ABCC10: variants seen among roughly 807,000 people sequenced by gnomAD.
ABCC10 encodes the protein ATP-binding cassette sub-family C member 10.
In ABCC10, 110 loss-of-function variants were observed where a neutral mutation model predicts 143.2. The ratio of observed to expected loss-of-function variants is 0.77; its 90% CI spans 0.66 to 0.90. The LOEUF is 0.90. ABCC10 is among the 40% of genes least tolerant of loss of function. ABCC10 has a pLI of 0.00. For synonymous variants in ABCC10, 805 were observed against 846.7 expected, an observed-to-expected ratio of 0.95 and a Z score of 0.85; for missense variants, 1,700 against 1,900.5, an observed-to-expected ratio of 0.89 and a Z score of 1.96.
Position 43,447,423 on chromosome 6 carries a change from C to A in ABCC10, c.3705+15C>A. 1.2e-6 allele frequency: 2 copies of A among 1,610,108 alleles called. No homozygotes were observed. ...AGCCACTGCAGGTGGGCCTGTACCC[C>A]CACCCCAGGCCAAAGCTCTGGAACC... On this transcript the variant is annotated intron_variant, in intron 17 of 21. Coordinates refer to ENST00000372530, the MANE Select transcript of ABCC10 (RefSeq NM_001198934.2).
rs150124239 is a variant in ABCC10 at position 43,433,112 on chromosome 6, G to A, written c.1132G>A (p.Gly378Arg). The change falls in exon 3 of 22, where the codon GGG becomes AGG. Residue 378 changes from glycine (G) to arginine (R), a missense_variant. Transcript: ENST00000372530. ...GCTGGGGCCCAGCCGCCCTCCTACT[G>A]GGGAGGCCCTGAACCTACTAGGCAC... The part of the protein sequence containing the change: ...LQLGPSRPPT[G>R]EALNLLGTDS... 3.1e-4 allele frequency: 507 copies of A among 1,614,122 alleles called. No homozygotes were observed. Among genetic ancestry groups the A allele is most frequent in the Admixed American group, 6.5e-4 (39 of 60,032 alleles).
At chr6:43,442,012 C>T in intron 9 of ABCC10, 52 bp downstream of exon 9, 1 of 1,526,170 alleles carries the variant, frequency 6.6e-7, no homozygotes, top group Non-Finnish European at 9.1e-7. Context: ...GAGTCCAGAG[C>T]CTTGGGAACT....
At chr6:43,438,125 A>G (rs1432516358) in intron 7 of ABCC10, 112 bp downstream of exon 7, 5 of 1,215,528 alleles carry the variant, frequency 4.1e-6, no homozygotes, top group Non-Finnish European at 3.5e-6. Flanking sequence ...AGAGCAACGC[A>G]TGGTCCCTTT....
rs537861823 is a variant in ABCC10 at position 43,447,147 on chromosome 6, C to G, written c.3545-101C>G. ...AGGCGTGAGCCACCGCGCCCAGCCTCTGTTGCTTCCTTTAAATGCCAGCAG... is the reference window on the plus strand; with the variant it reads ...AGGCGTGAGCCACCGCGCCCAGCCTGTGTTGCTTCCTTTAAATGCCAGCAG... On this transcript the variant is annotated intron_variant, in intron 16 of 21. Coordinates refer to ENST00000372530, the MANE Select transcript of ABCC10 (RefSeq NM_001198934.2). 4.2e-6 allele frequency: 6 copies of G among 1,439,242 alleles called. No individual in the cohort carries two copies. In the African/African-American group the frequency reaches 8.5e-5, roughly 20 times the overall value. 89.2% of individuals were successfully genotyped at this position (1,439,242 alleles called of 1,614,324 possible).
chr6:43,427,561 A>G lies in ABCC10; in HGVS notation c.-208A>G. 6.8e-6 allele frequency: 2 copies of G among 292,620 alleles called. No individual in the cohort carries two copies. The highest frequency in any genetic ancestry group is 3.0e-5 in the South Asian group (1 of 33,388). The allele number at this position is 292,620 out of a possible 1,614,324, so 18.1% of individuals were successfully genotyped here. A position where few individuals can be genotyped will look rare whatever the true frequency, so the allele number is the denominator to read the frequency against. ...CTACCAGCATATGGGCGTGGCGAAT[A>G]GCGCCGGCTAGGTCTTCCAACCTCT... is the stretch of plus-strand genomic sequence containing the variant. On this transcript the variant is annotated 5_prime_UTR_variant, in exon 1 of 22. The change creates a new upstream start codon in the 5' untranslated region. Coordinates refer to ENST00000372530, the MANE Select transcript of ABCC10 (RefSeq NM_001198934.2).
intron 16 of ABCC10, chr6:43,446,797 C>T (rs946994047): frequency 8.5e-6 from 10 of 1,176,848 alleles, no homozygotes; most frequent in Non-Finnish European, 9.5e-6. Context: ...CATCTGGCCT[C>T]CTGTGCTCCT....
Position 43,443,165 on chromosome 6 carries a change from G to A in ABCC10, c.2416+6G>A. Reference sequence around the variant, plus strand: ...CGGGCGCCTCATCCGGGCTGGTAATGGGGGCAGGAGCCCCGTGTGAGGGAG... The same window carrying A: ...CGGGCGCCTCATCCGGGCTGGTAATAGGGGCAGGAGCCCCGTGTGAGGGAG... On this transcript the variant is annotated splice_donor_region_variant and intron_variant, in intron 10 of 21. Transcript: ENST00000372530. The surrounding 1 kb of genome is among the most constrained non-coding windows in gnomAD (Gnocchi z 4.2). 6.3e-7 allele frequency: 1 copy of A among 1,587,258 alleles called. No homozygotes were observed. The highest frequency in any genetic ancestry group is 8.5e-7 in the Non-Finnish European group (1 of 1,172,560).
intron 7 of ABCC10, 180 bp from the exon 8 acceptor site, chr6:43,438,444 G>T (rs533848501): frequency 7.0e-7 from 1 of 1,429,676 alleles, no homozygotes; most frequent in South Asian, 1.5e-5. Context: ...TCCCTTCTTC[G>T]CCCAGAATGG....
chr6:43,431,977 C>T (rs1338716908), intron 2 of ABCC10, 165 bp from the exon 3 acceptor site: 2 of 1,431,670 alleles, frequency 1.4e-6, no homozygotes, highest in African/African-American at 2.9e-5. Context: ...GGAAGACTTC[C>T]TGGGAGAAAA....
At chr6:43,435,205 A>AC (rs890113423) in intron 4 of ABCC10, 2 of 213,436 alleles carry the variant, frequency 9.4e-6, no homozygotes, top group African/African-American at 4.6e-5. Context: ...TCTAAAAAAA[A>AC]GACTCAAAAT....
At chr6:43,449,301 T>G in intron 20 of ABCC10, 97 bp downstream of exon 20, 1 of 1,510,164 alleles carries the variant, frequency 6.6e-7, no homozygotes, top group Non-Finnish European at 9.0e-7. Context: ...GGGGACCAAG[T>G]TCATTTTCCT....
Position 43,437,996 on chromosome 6 carries a change from C to T in ABCC10, c.1938C>T (p.Ile646=), listed in dbSNP as rs144560804. ...GGAAGAGCTCCCTGCTGGCTGCCATCGCTGGAGAGCTCCACAGGTAACCAA... is the reference window on the plus strand; with the variant it reads ...GGAAGAGCTCCCTGCTGGCTGCCATTGCTGGAGAGCTCCACAGGTAACCAA... ...GCGKSSLLAA[I]AGELHRLRGH... is the part of the protein sequence containing the mutation. Residue 646 remains isoleucine (I), a synonymous_variant, in exon 7 of 22, where the codon ATC becomes ATT. Coordinates refer to ENST00000372530, the MANE Select transcript of ABCC10 (RefSeq NM_001198934.2). 5.0e-6 allele frequency: 8 copies of T among 1,612,528 alleles called. No individual in the cohort carries two copies. Among genetic ancestry groups the T allele is most frequent in the Admixed American group, 3.3e-5 (2 of 59,848 alleles).
At position 43,438,517 on chromosome 6, in the gene ABCC10, C is replaced by G. The variant is rs553982259; in HGVS notation, c.1956-107C>G. The G allele has an allele frequency of 1.6e-5, 24 of 1,489,084 alleles. No homozygotes were observed. The East Asian group carries it at 5.3e-4, about 33-fold the overall frequency. The allele number at this position is 1,489,084 out of a possible 1,614,324, so 92.2% of individuals were successfully genotyped here. On this transcript the variant is annotated intron_variant, in intron 7 of 21. Coordinates refer to ENST00000372530, the MANE Select transcript of ABCC10 (RefSeq NM_001198934.2). The stretch of plus-strand genomic sequence containing the variant: ...TCAGTCATGTGACATGAAGGGGGAC[C>G]CTGTGTAGAAGACAGCAGCCTGGGG...
chr6:43,431,230 A>G (rs1373657063), intron 2 of ABCC10, among the ~76,000 whole-genome samples: 1 of 152,266 alleles, frequency 6.6e-6, no homozygotes, highest in Admixed American at 6.5e-5. Context: ...ATATTAGAAT[A>G]TAAAAGCTGT....
At chr6:43,431,464 G>A (rs1200691530) in intron 2 of ABCC10, among the ~76,000 whole-genome samples, 5 of 152,132 alleles carry the variant, frequency 3.3e-5, no homozygotes, top group African/African-American at 4.8e-5. Flanking sequence ...AGATTCAAGC[G>A]ATTCTCCTGC....
intron 18 of ABCC10, among the ~76,000 whole-genome samples, chr6:43,448,258 C>T (rs529164624): frequency 6.6e-6 from 1 of 152,298 alleles, no homozygotes; most frequent in African/African-American, 2.4e-5. Context: ...GCAGGCAGTG[C>T]TTCAGACAGC....
chr6:43,433,587 T>A (rs1236861652), intron 3 of ABCC10, among the ~76,000 whole-genome samples: 2 of 152,128 alleles, frequency 1.3e-5, no homozygotes, highest in Non-Finnish European at 2.9e-5. Flanking sequence ...ATCTGTAAAG[T>A]GAGAATAGTA....
intron 8 of ABCC10, 127 bp downstream of exon 8, chr6:43,438,922 C>T (rs1242853794): frequency 8.5e-7 from 1 of 1,173,262 alleles, no homozygotes; most frequent in South Asian, 1.5e-5. Flanking sequence ...TAGGAATGGC[C>T]ATCGGACTGT....
Position 43,435,835 on chromosome 6 carries a change from A to G in ABCC10, c.1693A>G (p.Lys565Glu). Reference sequence around the variant, plus strand: ...GGTGATCAATGGTCTCCTGGAGGCCAAAGTGTCCTTGGACCGGATCCAGCT... The same window carrying G: ...GGTGATCAATGGTCTCCTGGAGGCCGAAGTGTCCTTGGACCGGATCCAGCT... ...PWVINGLLEA[K>E]VSLDRIQLFL... The change falls in exon 5 of 22, where the codon AAA (lysine) becomes GAA (glutamate). Residue 565 changes from lysine to glutamate, a missense_variant. Coordinates refer to ENST00000372530, the MANE Select transcript of ABCC10 (RefSeq NM_001198934.2). 6.2e-7 allele frequency: 1 copy of G among 1,614,206 alleles called. No individual in the cohort carries two copies.
Sources: allele counts gnomAD v4.1 joint callset (sites outside exome capture counted in the v4.1 genomes callset), GRCh38; gene constraint gnomAD v4.1.1; non-coding constraint Gnocchi (gnomAD v3.1); transcripts MANE v1.5; gene names NCBI Gene and HGNC (gene_info 2026-07-23, HGNC 2026-07-21).